The following ZDHHC5 variants were observed in gnomAD, a reference collection of about 807,000 sequenced individuals.
The protein encoded by ZDHHC5 is palmitoyltransferase ZDHHC5.
ZDHHC5 carries 22 observed loss-of-function variants against 70.0 expected under a neutral mutation model. The observed-to-expected ratio is 0.31, with a 90% CI of 0.22 to 0.45. ZDHHC5 has a LOEUF of 0.45. ZDHHC5 is among the 20% of genes least tolerant of loss of function. ZDHHC5 has a pLI of 1.00. For synonymous variants in ZDHHC5, 313 were observed against 347.8 expected, an observed-to-expected ratio of 0.90 and a Z score of 1.11; for missense variants, 746 against 926.9, an observed-to-expected ratio of 0.80 and a Z score of 2.53.
Position 57,688,521 on chromosome 11 carries a change from G to A in ZDHHC5, c.240G>A (p.Glu80=), listed in dbSNP as rs776736903. Residue 80 remains glutamate (E), a synonymous_variant, in exon 4 of 12, where the codon GAG becomes GAA. Transcript: ENST00000287169. ...PGIFPRAEED[E]DKEDDFRAPL... is the part of the protein sequence containing the mutation. ...TCCTCTCTACAGCTGAGGAGGATGA[G>A]GACAAGGAAGATGATTTCCGAGCTC... 2 of 1,593,916 alleles carry A rather than the reference G, an allele frequency of 1.3e-6. No homozygotes were observed. Among genetic ancestry groups the A allele is most frequent in the African/African-American group, 2.7e-5 (2 of 74,412 alleles).
At chr11:57,690,514 T>C in intron 6 of ZDHHC5, 77 bp downstream of exon 6, 13 of 1,448,600 alleles carry the variant, frequency 9.0e-6, no homozygotes, top group Admixed American at 1.7e-5. Flanking sequence ...TGCAGTGTAG[T>C]GCTTCCACAA....
chr11:57,700,198 C>A lies in ZDHHC5; in HGVS notation c.*167C>A. ...CTAAAATGCAGTAGGCTTGGGGAGT[C>A]GGAGAGTTGGGGCCCTGAGACTGGG... On this transcript the variant is annotated 3_prime_UTR_variant, in exon 12 of 12. Transcript: ENST00000287169. The A allele has an allele frequency of 2.2e-6, 2 of 895,482 alleles. No individual in the cohort carries two copies. The highest frequency in any genetic ancestry group is 3.2e-6 in the Non-Finnish European group (2 of 633,914). The allele number at this position is 895,482 out of a possible 1,614,324, so 55.5% of individuals were successfully genotyped here. A position where few individuals can be genotyped will look rare whatever the true frequency, so the allele number is the denominator to read the frequency against.
chr11:57,673,463 C>G (rs914853491), intron 2 of ZDHHC5, among the ~76,000 whole-genome samples: 2 of 152,182 alleles, frequency 1.3e-5, no homozygotes. Flanking sequence ...TTCTACCCAG[C>G]TCCATCATTA....
At position 57,696,791 on chromosome 11, in the gene ZDHHC5, C is replaced by T. The variant is rs574352985; in HGVS notation, c.1040C>T (p.Pro347Leu). Reference protein sequence around the residue: ...DSSLLAKDSPPTPTMYKYRPG... With the variant: ...DSSLLAKDSPLTPTMYKYRPG... ...AGCTTATTGGCCAAGGACAGCCCCC[C>T]GACACCTACCATGTACAAGTATCGG... Residue 347 changes from proline (P) to leucine (L), a missense_variant, in exon 10 of 12, where the codon CCG becomes CTG. This residue lies in a region of ZDHHC5 where 179 missense variants were observed against 178.4 expected (regional missense o/e 1.00). Coordinates refer to ENST00000287169, the MANE Select transcript of ZDHHC5 (RefSeq NM_015457.3). The T allele has an allele frequency of 1.9e-5, 31 of 1,614,014 alleles. No individual in the cohort carries two copies. The highest frequency in any genetic ancestry group is 1.8e-4 in the Admixed American group (11 of 60,024).
At position 57,696,765 on chromosome 11, in the gene ZDHHC5, T is replaced by G; in HGVS notation, c.1014T>G (p.Ser338Arg). The G allele has an allele frequency of 6.2e-7, 1 of 1,613,674 alleles. No individual in the cohort carries two copies. Among genetic ancestry groups the G allele is most frequent in the Non-Finnish European group, 8.5e-7 (1 of 1,179,676 alleles). The stretch of plus-strand genomic sequence containing the variant: ...CCTTGGCCTTTTTTCTTGCAGATAG[T>G]AGCTTATTGGCCAAGGACAGCCCCC... ...THLGLATNEDSSLLAKDSPPT... is the reference protein window; with the variant it reads ...THLGLATNEDRSLLAKDSPPT... The change falls in exon 10 of 12, where the codon AGT becomes AGG. Residue 338 changes from serine to arginine, a missense_variant. Ser to Arg is a moderately radical substitution (Grantham distance 110, BLOSUM62 -1). This residue lies in a region of ZDHHC5 where 179 missense variants were observed against 178.4 expected (regional missense o/e 1.00). Transcript: ENST00000287169.
chr11:57,681,341 C>T (rs898187961), intron 2 of ZDHHC5: 9 of 152,204 alleles, frequency 5.9e-5, no homozygotes, highest in African/African-American at 2.2e-4. Flanking sequence ...GTGAGTTCTT[C>T]CTTTGCTTTG....
At chr11:57,669,067 GGA>G (rs1249817474) in intron 1 of ZDHHC5, among the ~76,000 whole-genome samples, 1 of 152,116 alleles carries the variant, frequency 6.6e-6, no homozygotes, top group Non-Finnish European at 1.5e-5. Context: ...CCTCTGTCCT[GGA>G]TCAAATATCT....
chr11:57,686,833 GT>G (rs57661352), intron 3 of ZDHHC5, among the ~76,000 whole-genome samples: 67 of 142,396 alleles, frequency 4.7e-4, no homozygotes, highest in Admixed American at 6.4e-4. Flanking sequence ...GTGTGTGTGT[GT>G]TTTTTTTTTT....
At chr11:57,699,840 AC>A in intron 11 of ZDHHC5, 25 bp from the exon 12 acceptor site, 8 of 1,613,972 alleles carry the variant, frequency 5.0e-6, no homozygotes, top group Non-Finnish European at 6.8e-6. Context: ...ATTTCCTGAC[AC>A]CTACGTCTTG....
intron 2 of ZDHHC5, among the ~76,000 whole-genome samples, chr11:57,673,957 A>T (rs1248697489): frequency 6.6e-6 from 1 of 152,186 alleles, no homozygotes; most frequent in African/African-American, 2.4e-5. Context: ...GAGTATTGGA[A>T]AATTTCAGAA....
intron 2 of ZDHHC5, among the ~76,000 whole-genome samples, chr11:57,674,735 A>G (rs1946049621): frequency 6.6e-6 from 1 of 152,208 alleles, no homozygotes; most frequent in African/African-American, 2.4e-5. Context: ...CACATTGTCT[A>G]AAGAGTCAGC....
Position 57,692,748 on chromosome 11 carries a change from T to C in ZDHHC5, c.752+46T>C, listed in dbSNP as rs544508852. ...TAGTGTTTACCATTGGTCAGAACTT[T>C]TATCTTCTTTGGGCTTGTTCTGGTA... On this transcript the variant is annotated intron_variant, in intron 7 of 11. Transcript: ENST00000287169. 7 of 1,602,204 alleles carry C rather than the reference T, an allele frequency of 4.4e-6. No individual in the cohort carries two copies. The South Asian group carries it at 6.7e-5, about 15-fold the overall frequency.
At position 57,700,168 on chromosome 11, in the gene ZDHHC5, G is replaced by A; in HGVS notation, c.*137G>A. ...CACCGATTCCAAGAGGATGAGGAGT[G>A]TTTTCTAAAATGCAGTAGGCTTGGG... On this transcript the variant is annotated 3_prime_UTR_variant, in exon 12 of 12. Transcript: ENST00000287169. 1.6e-6 allele frequency: 2 copies of A among 1,217,746 alleles called. No individual in the cohort carries two copies. The allele number at this position is 1,217,746 out of a possible 1,614,324, so 75.4% of individuals were successfully genotyped here.
intron 3 of ZDHHC5, among the ~76,000 whole-genome samples, chr11:57,685,941 C>T (rs1946203462): frequency 6.6e-6 from 1 of 150,794 alleles, no homozygotes; most frequent in African/African-American, 2.4e-5. Flanking sequence ...GCAGGAGAAT[C>T]GCTTGAACCC....
rs760600324 is a variant in ZDHHC5 at position 57,696,038 on chromosome 11, A to C, written c.1004A>C (p.Asn335Thr). Residue 335 changes from asparagine to threonine, a missense_variant, in exon 9 of 12, where the codon AAT becomes ACT. Physicochemically the swap from Asn to Thr is moderately conservative, Grantham distance 65. Around this residue, in one of 6 missense-constraint regions of ZDHHC5, gnomAD observed 179 missense variants for 178.4 expected, o/e 1.00. Transcript: ENST00000287169. ...GLRTHLGLAT[N>T]EDSSLLAKDS... ...CGAACACACCTCGGCTTGGCTACTA[A>C]TGAGGGTAAGGGCTGCCTTGATTTG... The C allele has an allele frequency of 1.9e-6, 3 of 1,612,028 alleles. No homozygotes were observed. The highest frequency in any genetic ancestry group is 2.5e-6 in the Non-Finnish European group (3 of 1,179,430).
intron 2 of ZDHHC5, among the ~76,000 whole-genome samples, chr11:57,674,310 T>G (rs570490895): frequency 4.4e-4 from 65 of 148,574 alleles, no homozygotes; most frequent in African/African-American, 1.5e-3. Flanking sequence ...CTTCCCTTTT[T>G]CCTCAGTTTT....
intron 3 of ZDHHC5, among the ~76,000 whole-genome samples, chr11:57,683,994 CAG>C (rs1946179492): frequency 7.7e-6 from 1 of 129,628 alleles, no homozygotes. Flanking sequence ...TTTTTTGAGA[CAG>C]CGTCTCACTC....
At chr11:57,698,018 C>T (rs1290954176) in intron 10 of ZDHHC5, among the ~76,000 whole-genome samples, 2 of 151,542 alleles carry the variant, frequency 1.3e-5, no homozygotes, top group African/African-American at 2.4e-5. Flanking sequence ...GCCTGTAATC[C>T]CAGCTACTCG....
chr11:57,691,344 T>C (rs1463332178), intron 6 of ZDHHC5, among the ~76,000 whole-genome samples: 1 of 152,126 alleles, frequency 6.6e-6, no homozygotes, highest in Non-Finnish European at 1.5e-5. Flanking sequence ...AGTGCTAAAA[T>C]ATCTTTTATT....
Sources: allele counts gnomAD v4.1 joint callset (sites outside exome capture counted in the v4.1 genomes callset), GRCh38; gene constraint gnomAD v4.1.1; regional missense constraint gnomAD v4.1.1; transcripts MANE v1.5; gene names NCBI Gene and HGNC (gene_info 2026-07-23, HGNC 2026-07-21).